OSBPL6: variants seen among roughly 807,000 people sequenced by gnomAD.
The protein encoded by OSBPL6 is oxysterol binding protein like 6.
OSBPL6 carries 49 observed loss-of-function variants against 125.8 expected under a neutral mutation model. That is an observed-to-expected ratio of 0.39 (90% CI 0.31 to 0.49). The LOEUF is 0.49. OSBPL6 is among the 20% of genes least tolerant of loss of function. The pLI is 0.88. For missense variants in OSBPL6, 986 were observed against 1,135.4 expected (o/e 0.87, Z 1.89); for synonymous variants, 394 against 391.8 (o/e 1.01, Z -0.07).
chr2:178,351,769 A>G (rs185223863), intron 12 of OSBPL6, among the ~76,000 whole-genome samples: 1 of 152,294 alleles, frequency 6.6e-6, no homozygotes, highest in East Asian at 1.9e-4. Flanking sequence ...TGTTCTCACT[A>G]CAAGTGGGGG....
rs932080558 is a variant in OSBPL6 at position 178,397,659 on chromosome 2, T to G, written c.*2100T>G. The G allele has an allele frequency of 1.3e-5, 2 of 152,204 alleles. No individual in the cohort carries two copies. The highest frequency in any genetic ancestry group is 4.8e-5 in the African/African-American group (2 of 41,408). 9.4% of individuals were successfully genotyped at this position (152,204 alleles called of 1,614,324 possible). On this transcript the variant is annotated 3_prime_UTR_variant, in exon 25 of 25. Transcript: ENST00000190611. The stretch of plus-strand genomic sequence containing the variant: ...AAACAATCCTGCAAAGTAAAGGTTT[T>G]TACAAGCAGAGATGAAGGAAAGGGA...
In OSBPL6 at chr2:178,395,276, C is replaced by T. The variant is rs532949706; in HGVS notation, c.2697-175C>T. Among the ~76,000 whole-genome samples, 4 of 152,260 alleles carry T rather than the reference C, an allele frequency of 2.6e-5. No individual in the cohort carries two copies. The South Asian group carries it at 8.3e-4, about 32-fold the overall frequency. On this transcript the variant is annotated intron_variant, in intron 24 of 24. Transcript: ENST00000190611. ...TACTTCCATTTCACACATTTAACAACAAAAATGACTTCACTTCCAGTCAAA... is the reference window on the plus strand; with the variant it reads ...TACTTCCATTTCACACATTTAACAATAAAAATGACTTCACTTCCAGTCAAA...
chr2:178,379,757 T>C (rs757512070), intron 15 of OSBPL6, among the ~76,000 whole-genome samples: 20 of 152,244 alleles, frequency 1.3e-4, no homozygotes, highest in Non-Finnish European at 2.6e-4. Flanking sequence ...TCAGCTCTGC[T>C]GCAGTCAGTA....
chr2:178,356,287 G>C (rs1029733313), intron 12 of OSBPL6, among the ~76,000 whole-genome samples: 3 of 152,132 alleles, frequency 2.0e-5, no homozygotes, highest in African/African-American at 7.2e-5. Context: ...AGGAAAAGAG[G>C]AAGTCAAATT....
At chr2:178,363,718 T>C (rs916790201) in intron 13 of OSBPL6, among the ~76,000 whole-genome samples, 2 of 152,236 alleles carry the variant, frequency 1.3e-5, no homozygotes, top group Non-Finnish European at 2.9e-5. Flanking sequence ...GGGGTTAACA[T>C]ATTTCCCTCT....
At chr2:178,279,958 G>A (rs1203957825) in intron 1 of OSBPL6, among the ~76,000 whole-genome samples, 1 of 152,210 alleles carries the variant, frequency 6.6e-6, no homozygotes, top group African/African-American at 2.4e-5. Context: ...CCAGCACTTT[G>A]GGAGGCCGAG....
In OSBPL6 at chr2:178,278,089, A is replaced by G. The variant is rs1574722327; in HGVS notation, c.-350-6838A>G. The stretch of plus-strand genomic sequence containing the variant: ...CACTTTCCCGTCTCTTGATTTTCAT[A>G]TACTTTTCTCACTGTTTGAAATGTC... On this transcript the variant is annotated intron_variant, in intron 1 of 24. Transcript: ENST00000190611. Among the ~76,000 whole-genome samples the G allele has an allele frequency of 3.3e-5, 5 of 152,212 alleles. 1 individual carries two copies. Among genetic ancestry groups the G allele is most frequent in the Admixed American group, 3.3e-4 (5 of 15,288 alleles).
At chr2:178,241,830 A>G (rs1386735066) in intron 1 of OSBPL6, among the ~76,000 whole-genome samples, 3 of 152,236 alleles carry the variant, frequency 2.0e-5, no homozygotes, top group Non-Finnish European at 2.9e-5. Context: ...TCAATCATGG[A>G]CTGCATATAT....
chr2:178,281,428 C>A (rs1332159239), intron 1 of OSBPL6, among the ~76,000 whole-genome samples: 1 of 152,062 alleles, frequency 6.6e-6, no homozygotes, highest in Admixed American at 6.6e-5. Flanking sequence ...CTTTAATCTG[C>A]CTTGAGTTAA....
At chr2:178,293,824 A>G (rs2154048849) in intron 2 of OSBPL6, among the ~76,000 whole-genome samples, 1 of 152,164 alleles carries the variant, frequency 6.6e-6, no homozygotes, top group East Asian at 1.9e-4. Context: ...AATTTTTGAC[A>G]AAGGCACAAC....
At chr2:178,200,805 T>C (rs2089207419) in intron 1 of OSBPL6, among the ~76,000 whole-genome samples, 1 of 152,130 alleles carries the variant, frequency 6.6e-6, no homozygotes. Flanking sequence ...TTCTTTTTTT[T>C]TCTTTTTTGA....
chr2:178,355,342 A>G (rs1416077630), intron 12 of OSBPL6, among the ~76,000 whole-genome samples: 2 of 152,198 alleles, frequency 1.3e-5, no homozygotes, highest in African/African-American at 2.4e-5. Context: ...GACTGCTAGC[A>G]AGACTAATAA....
intron 11 of OSBPL6, among the ~76,000 whole-genome samples, chr2:178,341,844 G>A (rs1390327032): frequency 1.3e-5 from 2 of 152,098 alleles, no homozygotes; most frequent in African/African-American, 2.4e-5. Flanking sequence ...AGGTCTTGCA[G>A]GAGCCTCAGG....
intron 1 of OSBPL6, among the ~76,000 whole-genome samples, chr2:178,220,028 C>G (rs1215823919): frequency 6.6e-6 from 1 of 152,084 alleles, no homozygotes; most frequent in Non-Finnish European, 1.5e-5. Flanking sequence ...CTGGAGATAT[C>G]GACAGAGGAT....
At chr2:178,392,667 A>T in intron 23 of OSBPL6, 129 bp downstream of exon 23, 1 of 1,221,418 alleles carries the variant, frequency 8.2e-7, no homozygotes, top group Non-Finnish European at 1.1e-6. Flanking sequence ...ACCAGCCTGG[A>T]CAATATAGTG....
In OSBPL6 at chr2:178,383,039, T is replaced by C; in HGVS notation, c.1637T>C (p.Leu546Pro). 6.2e-7 allele frequency: 1 copy of C among 1,614,184 alleles called. No homozygotes were observed. Among genetic ancestry groups the C allele is most frequent in the Non-Finnish European group, 8.5e-7 (1 of 1,180,014 alleles). The change falls in exon 17 of 25, where the codon CTT (leucine) becomes CCT (proline). Residue 546 changes from leucine to proline, a missense_variant. Transcript: ENST00000190611. ...CTTCTTCCAGTCCTGAATGGGGAGC[T>C]TACAGGAGGGGCCTTCCGAAATGGG... Reference protein sequence around the residue: ...NISRQILNGELTGGAFRNGRR... With the variant: ...NISRQILNGEPTGGAFRNGRR...
At chr2:178,352,421 G>C (rs1691346309) in intron 12 of OSBPL6, among the ~76,000 whole-genome samples, 1 of 152,202 alleles carries the variant, frequency 6.6e-6, no homozygotes, top group South Asian at 2.1e-4. Flanking sequence ...GCAACCAGCA[G>C]ACAAGGAGAT....
chr2:178,342,865 G>A (rs1690338775), intron 11 of OSBPL6, among the ~76,000 whole-genome samples: 1 of 152,184 alleles, frequency 6.6e-6, no homozygotes, highest in Non-Finnish European at 1.5e-5. Context: ...ATGATCTTAT[G>A]TTGCTCCTGT....
At chr2:178,378,026 A>G (rs1446112476) in intron 15 of OSBPL6, among the ~76,000 whole-genome samples, 3 of 151,906 alleles carry the variant, frequency 2.0e-5, no homozygotes, top group African/African-American at 7.3e-5. Flanking sequence ...ATGAGGTTTC[A>G]CCATGTTGGC....
Sources: allele counts gnomAD v4.1 joint callset (sites outside exome capture counted in the v4.1 genomes callset), GRCh38; gene constraint gnomAD v4.1.1; transcripts MANE v1.5; gene names NCBI Gene and HGNC (gene_info 2026-07-23, HGNC 2026-07-21).